Variants in TBCK observed in about 807,000 individuals in gnomAD.
TBCK encodes the protein TBC1 domain containing kinase.
A neutral mutation model predicts 113.4 loss-of-function variants in TBCK; 99 were observed. The observed-to-expected ratio is 0.87, with a 90% CI of 0.74 to 1.03. The LOEUF is 1.03. Among genes scored for constraint, TBCK ranks in the 50% least tolerant of loss-of-function variants. TBCK has a pLI of 0.00. For missense variants in TBCK, 1,045 were observed against 1,061.3 expected, an observed-to-expected ratio of 0.98 and a Z score of 0.21; for synonymous variants, 369 against 370.8, an observed-to-expected ratio of 1.00 and a Z score of 0.05.
At chr4:106,144,651 T>C (rs1747545535) in intron 23 of TBCK, among the ~76,000 whole-genome samples, 1 of 152,228 alleles carries the variant, frequency 6.6e-6, no homozygotes, top group Non-Finnish European at 1.5e-5. Flanking sequence ...TTTAAAAAAA[T>C]GATTATCTTT....
At chr4:106,227,264 G>C (rs1262423005) in intron 19 of TBCK, among the ~76,000 whole-genome samples, 1 of 151,844 alleles carries the variant, frequency 6.6e-6, no homozygotes, top group Admixed American at 6.6e-5. Flanking sequence ...AGATATATAG[G>C]AATGAACACA....
intron 23 of TBCK, among the ~76,000 whole-genome samples, chr4:106,146,726 A>G (rs1019707393): frequency 1.3e-5 from 2 of 152,196 alleles, no homozygotes; most frequent in Admixed American, 6.5e-5. Context: ...TGGTTGCTGA[A>G]GGCTGAGGTG....
chr4:106,309,305 CT>C lies in TBCK; in HGVS notation c.-29-317del, dbSNP rs536969885. Among the ~76,000 whole-genome samples, 770 of 103,114 alleles carry C rather than the reference CT, an allele frequency of 7.5e-3. 3 individuals carry two copies. Among genetic ancestry groups the C allele is most frequent in the African/African-American group, 0.019 (466 of 24,664 alleles). The allele number at this position is 103,114 out of a possible 152,430, so 67.6% of individuals were successfully genotyped here. A position where few individuals can be genotyped will look rare whatever the true frequency, so the allele number is the denominator to read the frequency against. On this transcript the variant is annotated intron_variant, in intron 1 of 25. Transcript: ENST00000394708. ...TTCATATTATTAATAAGGCTCTTCTCTTTTTTTTTTTTTTTTTTTTTTTTTT... is the reference window on the plus strand; with the variant it reads ...TTCATATTATTAATAAGGCTCTTCTCTTTTTTTTTTTTTTTTTTTTTTTTT...
chr4:106,269,214 C>T (rs541619794), intron 3 of TBCK, among the ~76,000 whole-genome samples: 2 of 152,218 alleles, frequency 1.3e-5, no homozygotes, highest in Non-Finnish European at 2.9e-5. Context: ...AAAATGCTTA[C>T]TAATGATTAA....
intron 3 of TBCK, among the ~76,000 whole-genome samples, chr4:106,276,790 G>C (rs1764071776): frequency 6.6e-6 from 1 of 152,018 alleles, no homozygotes; most frequent in South Asian, 2.1e-4. Context: ...AGCTACTCAG[G>C]AGGCTGAGGT....
intron 25 of TBCK, among the ~76,000 whole-genome samples, chr4:106,069,656 A>G (rs566360812): frequency 1.3e-5 from 2 of 152,208 alleles, no homozygotes; most frequent in East Asian, 3.9e-4. Flanking sequence ...ATGAACTTTA[A>G]AGTAGTTTTT....
chr4:106,265,546 G>A (rs892869364), intron 3 of TBCK, among the ~76,000 whole-genome samples: 1 of 151,816 alleles, frequency 6.6e-6, no homozygotes, highest in Non-Finnish European at 1.5e-5. Context: ...GAGAGAGAGA[G>A]AGCAAGAGGG....
At chr4:106,196,544 A>G (rs1042089394) in intron 20 of TBCK, among the ~76,000 whole-genome samples, 3 of 151,998 alleles carry the variant, frequency 2.0e-5, no homozygotes, top group Non-Finnish European at 2.9e-5. Flanking sequence ...CAAGAACTTT[A>G]TAAGTATATT....
At chr4:106,252,159 A>G in intron 5 of TBCK, 152 bp from the exon 6 acceptor site, 1 of 574,856 alleles carries the variant, frequency 1.7e-6, no homozygotes, top group Non-Finnish European at 2.8e-6. Context: ...CCATCATAAT[A>G]CAGAACTTTA....
chr4:106,054,206 A>G (rs1445387167), intron 25 of TBCK, among the ~76,000 whole-genome samples: 1 of 147,480 alleles, frequency 6.8e-6, no homozygotes, highest in East Asian at 1.9e-4. Context: ...ACAATTTCCC[A>G]ACTCCCCAAC....
chr4:106,098,793 C>T (rs1027977348), intron 24 of TBCK, among the ~76,000 whole-genome samples: 3 of 152,008 alleles, frequency 2.0e-5, no homozygotes, highest in Non-Finnish European at 4.4e-5. Context: ...ATATATCTTA[C>T]CCTGTCTTGG....
At position 106,176,257 on chromosome 4, in the gene TBCK, C is replaced by A. The variant is rs1212996301; in HGVS notation, c.2060-4987G>T. ...TCATCCTACTGTGCTGTCTATTGAA[C>A]AACAGAGCTTATTCCTTCGGTCTAA... On this transcript the variant is annotated intron_variant, in intron 22 of 25. Coordinates refer to ENST00000394708, the MANE Select transcript of TBCK (RefSeq NM_001163435.3). Among the ~76,000 whole-genome samples, 5 of 152,150 alleles carry A rather than the reference C, an allele frequency of 3.3e-5. No individual in the cohort carries two copies. In the South Asian group the frequency reaches 1.0e-3, roughly 32 times the overall value.
rs527945899 is a variant in TBCK at position 106,298,684 on chromosome 4, A to G, written c.194-3518T>C. Among the ~76,000 whole-genome samples the G allele has an allele frequency of 4.6e-5, 7 of 152,306 alleles. No individual in the cohort carries two copies. In the South Asian group the frequency reaches 1.4e-3, roughly 32 times the overall value. ...GGTGAAAGTTCTCGACTTGATAAGG[A>G]AAGAAAAAAAACCAGTTGTTAAGAT... On this transcript the variant is annotated intron_variant, in intron 2 of 25. Coordinates refer to ENST00000394708, the MANE Select transcript of TBCK (RefSeq NM_001163435.3).
In TBCK at chr4:106,073,284, G is replaced by A. The variant is rs1453167953; in HGVS notation, c.2571+22198C>T. Among the ~76,000 whole-genome samples the A allele has an allele frequency of 9.9e-5, 15 of 152,240 alleles. No homozygotes were observed. The East Asian group carries it at 1.5e-3, about 16-fold the overall frequency. On this transcript the variant is annotated intron_variant, in intron 25 of 25. Transcript: ENST00000394708. ...ATGGTGACCTACAGATGGGGTTTTG[G>A]TGTGGATGCCCTTTTTGTTGATGTT...
At chr4:106,089,976 C>A (rs1740019403) in intron 25 of TBCK, among the ~76,000 whole-genome samples, 1 of 152,190 alleles carries the variant, frequency 6.6e-6, no homozygotes, top group Non-Finnish European at 1.5e-5. Flanking sequence ...AGGGTGGCAT[C>A]CCACTTCCCA....
At chr4:106,107,689 T>C (rs1247137143) in intron 24 of TBCK, among the ~76,000 whole-genome samples, 2 of 152,164 alleles carry the variant, frequency 1.3e-5, no homozygotes, top group African/African-American at 2.4e-5. Flanking sequence ...GTTAGAAAGA[T>C]GTTAAATTAA....
intron 19 of TBCK, among the ~76,000 whole-genome samples, chr4:106,216,738 C>A (rs1300646748): frequency 1.3e-5 from 2 of 151,878 alleles, no homozygotes; most frequent in African/African-American, 4.8e-5. Context: ...GCTTACCAAC[C>A]AAAAAGAGTC....
rs56842619 is a variant in TBCK, at chr4:106,043,736, A to AGTGTGTGTGT, written c.*2824_*2833dup. ...GTTAATAAGTGTGTTTATGAATGTG[A>AGTGTGTGTGT]GTGTGTGTGTGTGTGTGTGTGTATG... On this transcript the variant is annotated 3_prime_UTR_variant, in exon 26 of 26. Coordinates refer to ENST00000394708, the MANE Select transcript of TBCK (RefSeq NM_001163435.3). 2 of 149,044 alleles carry AGTGTGTGTGT rather than the reference A, an allele frequency of 1.3e-5. No homozygotes were observed. Among genetic ancestry groups the AGTGTGTGTGT allele is most frequent in the Non-Finnish European group, 3.0e-5 (2 of 67,012 alleles). The allele number at this position is 149,044 out of a possible 1,614,324, so 9.2% of individuals were successfully genotyped here.
intron 24 of TBCK, among the ~76,000 whole-genome samples, chr4:106,100,179 G>T (rs1741385285): frequency 6.6e-6 from 1 of 152,070 alleles, no homozygotes; most frequent in Non-Finnish European, 1.5e-5. Flanking sequence ...TAATGAAAAT[G>T]ACTTCTATCT....
Sources: gnomAD v4.1 joint callset for allele counts (sites outside exome capture counted in the v4.1 genomes callset) on GRCh38, gnomAD v4.1.1 for gene constraint, MANE v1.5 for transcripts, NCBI Gene and HGNC (gene_info 2026-07-23, HGNC 2026-07-21) for gene names.